The following F8 variants were observed in gnomAD, a reference collection of about 807,000 sequenced individuals.
F8 encodes the protein antihemophilic factor.
F8 carries 12 observed loss-of-function variants against 140.6 expected under a neutral mutation model. That is an observed-to-expected ratio of 0.09 (90% CI 0.05 to 0.14). The LOEUF (loss-of-function observed/expected upper bound fraction) is 0.14. F8 is among the 10% of genes least tolerant of loss of function. F8 has a pLI of 1.00. For missense variants in F8, 1,354 were observed against 1,720.7 expected (o/e 0.79, Z 3.77); for synonymous variants, 585 against 614.6 (o/e 0.95, Z 0.71).
intron 22 of F8, among the ~76,000 whole-genome samples, chrX:154,880,446 A>C (rs782008449): frequency 9.0e-6 from 1 of 111,616 alleles, no homozygotes; most frequent in African/African-American, 3.3e-5. Context: ...AAGCTGCACC[A>C]AAAAACCTTG....
intron 1 of F8, among the ~76,000 whole-genome samples, chrX:155,002,264 T>C (rs1429703689): frequency 8.9e-6 from 1 of 112,711 alleles, no homozygotes; most frequent in Non-Finnish European, 1.9e-5. Context: ...ATTTTAGCTA[T>C]TGTGAATAAT....
intron 1 of F8, among the ~76,000 whole-genome samples, chrX:155,017,757 C>T (rs782400339): frequency 8.9e-6 from 1 of 111,796 alleles, no homozygotes; most frequent in South Asian, 3.7e-4. Context: ...ATAAGCTTCC[C>T]GAGTGATTCT....
chrX:154,854,438 G>C (rs28890032), intron 25 of F8, among the ~76,000 whole-genome samples: 1,373 of 111,716 alleles, frequency 0.012, 24 homozygotes, highest in African/African-American at 0.042. Flanking sequence ...CTGCCTTTGG[G>C]CTCGAACTAA....
At chrX:154,871,925 C>T (rs180979728) in intron 22 of F8, among the ~76,000 whole-genome samples, 11 of 112,420 alleles carry the variant, frequency 9.8e-5, no homozygotes, top group Admixed American at 2.8e-4. Context: ...GACATTTATG[C>T]AGCCAACAGA....
intron 6 of F8, among the ~76,000 whole-genome samples, chrX:154,980,656 G>T (rs896997308): frequency 8.9e-6 from 1 of 112,007 alleles, no homozygotes; most frequent in East Asian, 2.8e-4. Context: ...ATTTCAGTGA[G>T]CTCGTTTAGA....
chrX:154,848,771 C>T (rs2072590981), intron 25 of F8, among the ~76,000 whole-genome samples: 3 of 111,094 alleles, frequency 2.7e-5, no homozygotes, highest in Admixed American at 9.5e-5. Context: ...TCGGCTCATG[C>T]TCGGTGGGCT....
intron 5 of F8, among the ~76,000 whole-genome samples, chrX:154,985,953 A>C (rs1465639435): frequency 8.9e-6 from 1 of 112,610 alleles, no homozygotes; most frequent in Admixed American, 9.3e-5. Context: ...TAAAGTAGAA[A>C]ATACTGATAT....
At chrX:155,019,915 CAG>C (rs1224894503) in intron 1 of F8, among the ~76,000 whole-genome samples, 1 of 111,678 alleles carries the variant, frequency 9.0e-6, no homozygotes, top group African/African-American at 3.3e-5. Context: ...ATAAAATACA[CAG>C]AGATAAATGT....
At chrX:154,872,101 G>A (rs2072778403) in intron 22 of F8, among the ~76,000 whole-genome samples, 1 of 112,177 alleles carries the variant, frequency 8.9e-6, no homozygotes, top group Admixed American at 9.4e-5. Context: ...CTGTTGATGG[G>A]AGTGTAAATT....
At chrX:154,965,328 C>T (rs978383098) in intron 9 of F8, among the ~76,000 whole-genome samples, 4 of 111,505 alleles carry the variant, frequency 3.6e-5, no homozygotes, top group Non-Finnish European at 5.7e-5. Context: ...CATTCTTCAG[C>T]GGCTGAATTT....
intron 1 of F8, among the ~76,000 whole-genome samples, chrX:155,015,085 T>C (rs1348736597): frequency 1.8e-5 from 2 of 112,522 alleles, no homozygotes; most frequent in South Asian, 3.6e-4. Context: ...TACACATCTA[T>C]GGAACTAGAG....
At chrX:154,864,137 T>C (rs2072714842) in intron 22 of F8, among the ~76,000 whole-genome samples, 1 of 112,532 alleles carries the variant, frequency 8.9e-6, no homozygotes. Context: ...CTGTACCATG[T>C]TCTGGAGACA....
intron 1 of F8, among the ~76,000 whole-genome samples, chrX:155,018,922 T>C (rs1474655698): frequency 8.9e-6 from 1 of 112,340 alleles, no homozygotes; most frequent in African/African-American, 3.2e-5. Flanking sequence ...GGAGTACTCA[T>C]CAATTCATTT....
Position 154,957,109 on chromosome X carries a change from C to T in F8, c.1600G>A (p.Val534Met), listed in dbSNP as rs781867436. The part of the protein sequence containing the change: ...PGEIFKYKWT[V>M]TVEDGPTKSD... The stretch of plus-strand genomic sequence containing the variant: ...TTAGTTGGCCCATCTTCTACAGTCA[C>T]TGTCCATTTATATTTGAATATTTCT... Residue 534 changes from valine to methionine, a missense_variant, in exon 11 of 26, where the codon GTG becomes ATG. Physicochemically the swap from Val to Met is conservative, Grantham distance 21 (BLOSUM62 1). This residue lies in a region of F8 where 252 missense variants were observed against 338.5 expected (regional missense o/e 0.74). Coordinates refer to ENST00000360256, the MANE Select transcript of F8 (RefSeq NM_000132.4). 1.7e-6 allele frequency: 2 copies of T among 1,211,367 alleles called. No homozygotes were observed. The highest frequency in any genetic ancestry group is 2.2e-6 in the Non-Finnish European group (2 of 895,243).
intron 6 of F8, among the ~76,000 whole-genome samples, chrX:154,970,804 G>A (rs1057494764): frequency 9.0e-6 from 1 of 111,263 alleles, no homozygotes; most frequent in Non-Finnish European, 1.9e-5. Context: ...CTGTATTATA[G>A]GCTTACATAG....
intron 14 of F8, among the ~76,000 whole-genome samples, chrX:154,915,951 A>G (rs1557277075): frequency 8.9e-6 from 1 of 112,138 alleles, no homozygotes; most frequent in African/African-American, 3.2e-5. Context: ...CTTGTCATAT[A>G]TAACATTTAC....
rs2072613479 is a variant in F8, at chrX:154,851,320, G to A, written c.6900+9112C>T. On this transcript the variant is annotated intron_variant, in intron 25 of 25. Transcript: ENST00000360256. ...ATGAACATTTGAATTGTTTTCACCT[G>A]TTTGCTATTATGAATAGTACTTCTA... Among the ~76,000 whole-genome samples the A allele has an allele frequency of 2.7e-5, 3 of 112,190 alleles. No individual in the cohort carries two copies. In the South Asian group the frequency reaches 1.1e-3, roughly 41 times the overall value.
chrX:154,911,119 C>T (rs2073064838), intron 14 of F8, among the ~76,000 whole-genome samples: 1 of 109,190 alleles, frequency 9.2e-6, no homozygotes, highest in Non-Finnish European at 1.9e-5. Context: ...AGATAATGAT[C>T]AATAAATACT....
In F8 at chrX:154,951,696, TC is replaced by T. The variant is rs782705940; in HGVS notation, c.1903+2195del. Reference sequence around the variant, plus strand: ...CTCTCCTCCTGGTCCTTTTTTTTCTTCTTTTCTTATCCCTCTGTCTTAGCAT... The same window carrying T: ...CTCTCCTCCTGGTCCTTTTTTTTCTTTTTTCTTATCCCTCTGTCTTAGCAT... On this transcript the variant is annotated intron_variant, in intron 12 of 25. Coordinates refer to ENST00000360256, the MANE Select transcript of F8 (RefSeq NM_000132.4). Among the ~76,000 whole-genome samples, 253 of 111,024 alleles carry T rather than the reference TC, an allele frequency of 2.3e-3. 1 individual carries two copies. The highest frequency in any genetic ancestry group is 8.0e-3 in the African/African-American group (245 of 30,618).
Sources: allele counts gnomAD v4.1 joint callset (sites outside exome capture counted in the v4.1 genomes callset), GRCh38; gene constraint gnomAD v4.1.1; regional missense constraint gnomAD v4.1.1; transcripts MANE v1.5; gene names NCBI Gene and HGNC (gene_info 2026-07-23, HGNC 2026-07-21).